The following RFWD3 variants were observed in gnomAD, a reference collection of about 807,000 sequenced individuals.
RFWD3 encodes the protein ring finger and WD repeat domain 3, also known as E3 ubiquitin-protein ligase RFWD3.
Under a neutral mutation model 87.7 loss-of-function variants are expected in RFWD3, and 65 were observed. That is an observed-to-expected ratio of 0.74 (90% CI 0.61 to 0.91). The LOEUF (loss-of-function observed/expected upper bound fraction) is 0.91. RFWD3 is among the 40% of genes least tolerant of loss of function. The pLI is 0.00. For missense variants in RFWD3, 1,078 were observed against 938.5 expected (o/e 1.15, Z -1.94); for synonymous variants, 433 against 352.8 (o/e 1.23, Z -2.55).
rs188342498 is a variant in RFWD3, at chr16:74,632,004, G to A, written c.1577+519C>T. On this transcript the variant is annotated intron_variant, in intron 9 of 12. Coordinates refer to ENST00000361070, the MANE Select transcript of RFWD3 (RefSeq NM_018124.4). Reference sequence around the variant, plus strand: ...AATATACATAGTTTCAAAGAAACAGGAAACATACAGTTTTGTAACCTTCTG... The same window carrying A: ...AATATACATAGTTTCAAAGAAACAGAAAACATACAGTTTTGTAACCTTCTG... Among the ~76,000 whole-genome samples the A allele has an allele frequency of 3.9e-5, 6 of 152,248 alleles. No individual in the cohort carries two copies. The East Asian group carries it at 9.6e-4, about 24-fold the overall frequency.
At position 74,661,085 on chromosome 16, in the gene RFWD3, T is replaced by G. The variant is rs977485902; in HGVS notation, c.365A>C (p.Asn122Thr). 2 of 1,614,210 alleles carry G rather than the reference T, an allele frequency of 1.2e-6. No individual in the cohort carries two copies. Among genetic ancestry groups the G allele is most frequent in the Admixed American group, 1.7e-5 (1 of 60,016 alleles). The change falls in exon 2 of 13, where the codon AAC becomes ACC. Residue 122 changes from asparagine (N) to threonine (T), a missense_variant. By Grantham distance (65) the Asn-to-Thr change is moderately conservative (BLOSUM62 0). Transcript: ENST00000361070. The part of the protein sequence containing the change: ...IPASSLHSMT[N>T]FISGLQRLHG... ...AAGTCTCTGCAGTCCGCTGATGAAG[T>G]TGGTCATTGAATGCAACGAAGATGC...
chr16:74,654,997 T>C (rs1960849677), intron 2 of RFWD3, among the ~76,000 whole-genome samples: 1 of 152,196 alleles, frequency 6.6e-6, no homozygotes, highest in Admixed American at 6.5e-5. Context: ...CTCCATAAAG[T>C]GCATGAAGCA....
intron 2 of RFWD3, among the ~76,000 whole-genome samples, chr16:74,656,749 T>G (rs1961019326): frequency 6.6e-6 from 1 of 152,194 alleles, no homozygotes; most frequent in Non-Finnish European, 1.5e-5. Flanking sequence ...TGAGCCACTG[T>G]GCCTTGGGGA....
intron 10 of RFWD3, among the ~76,000 whole-genome samples, chr16:74,630,349 C>T (rs1208092081): frequency 2.0e-5 from 3 of 152,184 alleles, no homozygotes; most frequent in South Asian, 2.1e-4. Flanking sequence ...CTGTCCGCCT[C>T]GTCTTCCCAA....
At position 74,636,381 on chromosome 16, in the gene RFWD3, A is replaced by G; in HGVS notation, c.1391T>C (p.Ile464Thr). Residue 464 changes from isoleucine (I) to threonine (T), a missense_variant, in exon 8 of 13, where the codon ATA (isoleucine) becomes ACA (threonine). Transcript: ENST00000361070. Reference protein sequence around the residue: ...AYCDALSCLVISQPSPQASFL... With the variant: ...AYCDALSCLVTSQPSPQASFL... ...AGAGGCCTGAGGAGAAGGCTGTGAT[A>G]TCACCAGGCAGCTCAGAGCATCACA... The G allele has an allele frequency of 1.2e-6, 2 of 1,614,196 alleles. No homozygotes were observed. Among genetic ancestry groups the G allele is most frequent in the Non-Finnish European group, 1.7e-6 (2 of 1,180,018 alleles).
rs1960713581 is a variant in RFWD3, at chr16:74,653,335, CA to C, written c.519-1214del. Among the ~76,000 whole-genome samples the C allele has an allele frequency of 4.6e-5, 7 of 151,422 alleles. No individual in the cohort carries two copies. The South Asian group carries it at 1.5e-3, about 32-fold the overall frequency. On this transcript the variant is annotated intron_variant, in intron 2 of 12. Transcript: ENST00000361070. ...CTGGGTATCAGAGTGAGACTTGTCT[CA>C]ACAACAAAAAAACAAAAAAATGACA...
intron 4 of RFWD3, 85 bp downstream of exon 4, chr16:74,649,047 A>C: frequency 1.2e-6 from 1 of 825,000 alleles, no homozygotes; most frequent in Non-Finnish European, 1.8e-6. Context: ...GCACCACTGC[A>C]CTCTAGCCTG....
intron 12 of RFWD3, among the ~76,000 whole-genome samples, chr16:74,624,589 G>C (rs1167725509): frequency 1.3e-5 from 2 of 152,164 alleles, no homozygotes; most frequent in Non-Finnish European, 2.9e-5. Context: ...GTAGAGATGG[G>C]TTTCACCATG....
In RFWD3 at chr16:74,644,574, C is replaced by T. The variant is rs148229842; in HGVS notation, c.954G>A (p.Thr318=). 4.3e-5 allele frequency: 70 copies of T among 1,614,158 alleles called. No individual in the cohort carries two copies. The East Asian group carries it at 8.9e-4, about 21-fold the overall frequency. Residue 318 remains threonine, a synonymous_variant, in exon 5 of 13, where the codon ACG becomes ACA. Coordinates refer to ENST00000361070, the MANE Select transcript of RFWD3 (RefSeq NM_018124.4). ...GHLFGYRCIS[T]WLKGQVRKCP... is the part of the protein sequence containing the mutation. ...ATTTTCGTACTTGTCCTTTAAGCCA[C>T]GTGGAAATGCACCTATACCCAAAGA...
intron 2 of RFWD3, among the ~76,000 whole-genome samples, chr16:74,654,935 G>T (rs1567584101): frequency 6.6e-6 from 1 of 152,196 alleles, no homozygotes; most frequent in Non-Finnish European, 1.5e-5. Context: ...GAAGCTGCAG[G>T]AAGTTGGAAG....
rs1960605668 is a variant in RFWD3 at position 74,652,012 on chromosome 16, A to G, written c.629T>C (p.Val210Ala). Reference protein sequence around the residue: ...TRNPVSEELQVSSSSDSDSDS... With the variant: ...TRNPVSEELQASSSSDSDSDS... ...ACTGTCAGAATCAGAACTACTAGAC[A>G]CCTGCAACTCTTCAGATACAGGATT... The change falls in exon 3 of 13, where the codon GTG (valine) becomes GCG (alanine). Residue 210 changes from valine (V) to alanine (A), a missense_variant. By Grantham distance (64) the Val-to-Ala change is moderately conservative. Transcript: ENST00000361070. 6.2e-7 allele frequency: 1 copy of G among 1,613,912 alleles called. No homozygotes were observed. Among genetic ancestry groups the G allele is most frequent in the Non-Finnish European group, 8.5e-7 (1 of 1,179,990 alleles).
intron 1 of RFWD3, among the ~76,000 whole-genome samples, chr16:74,663,591 T>A (rs1961632348): frequency 6.6e-6 from 1 of 152,176 alleles, no homozygotes; most frequent in Non-Finnish European, 1.5e-5. Flanking sequence ...TCTTTCTCTC[T>A]CCACTCCAGT....
chr16:74,623,983 T>C lies in RFWD3; in HGVS notation c.2270A>G (p.Asn757Ser). The C allele has an allele frequency of 1.9e-6, 3 of 1,614,142 alleles. No homozygotes were observed. Among genetic ancestry groups the C allele is most frequent in the East Asian group, 2.2e-5 (1 of 44,878 alleles). The change falls in exon 13 of 13, where the codon AAC (asparagine) becomes AGC (serine). Residue 757 changes from asparagine (N) to serine (S), a missense_variant. By Grantham distance (46) the Asn-to-Ser change is conservative. Transcript: ENST00000361070. Reference sequence around the variant, plus strand: ...CTCTGTTAAGGTAGCCAAGTAGCTGTTACGGTTCACCTCAAATGGGCAGAT... The same window carrying C: ...CTCTGTTAAGGTAGCCAAGTAGCTGCTACGGTTCACCTCAAATGGGCAGAT... ...LDICPFEVNR[N>S]SYLATLTEKM...
intron 8 of RFWD3, among the ~76,000 whole-genome samples, chr16:74,633,535 T>C (rs2144090499): frequency 6.6e-6 from 1 of 152,172 alleles, no homozygotes; most frequent in South Asian, 2.1e-4. Context: ...ATTCCATTTA[T>C]GTAAAATTCT....
At chr16:74,643,161 T>G (rs1959803374) in intron 6 of RFWD3, among the ~76,000 whole-genome samples, 1 of 151,944 alleles carries the variant, frequency 6.6e-6, no homozygotes, top group Non-Finnish European at 1.5e-5. Context: ...TAAAAAAAAT[T>G]TTAAATACAG....
intron 8 of RFWD3, among the ~76,000 whole-genome samples, chr16:74,634,325 G>T (rs1275913007): frequency 1.3e-5 from 2 of 151,660 alleles, no homozygotes; most frequent in Non-Finnish European, 2.9e-5. Flanking sequence ...AAAACTTCTT[G>T]TTACTCTGTT....
At chr16:74,646,575 C>A (rs1001917321) in intron 4 of RFWD3, among the ~76,000 whole-genome samples, 14 of 152,082 alleles carry the variant, frequency 9.2e-5, no homozygotes, top group African/African-American at 3.4e-4. Flanking sequence ...ATCATGAAGT[C>A]AGGAGATCGA....
chr16:74,658,556 G>A (rs751490655), intron 2 of RFWD3, among the ~76,000 whole-genome samples: 5 of 152,122 alleles, frequency 3.3e-5, no homozygotes, highest in African/African-American at 1.2e-4. Flanking sequence ...AGTTATAAGC[G>A]ATTAGTCCTG....
chr16:74,666,207 TAGATAGATA>T (rs1567591753), intron 1 of RFWD3: 51 of 150,860 alleles, frequency 3.4e-4, no homozygotes, highest in Non-Finnish European at 5.6e-4. Flanking sequence ...GATAGATAGA[TAGATAGATA>T]GATAGATTGA....
Sources: gnomAD v4.1 joint callset for allele counts (sites outside exome capture counted in the v4.1 genomes callset) on GRCh38, gnomAD v4.1.1 for gene constraint, MANE v1.5 for transcripts, NCBI Gene and HGNC (gene_info 2026-07-23, HGNC 2026-07-21) for gene names.